The following TPH2 variants were observed in gnomAD, a reference collection of about 807,000 sequenced individuals.
TPH2 encodes the protein tryptophan hydroxylase 2.
TPH2 carries 27 observed loss-of-function variants against 59.1 expected under a neutral mutation model. The ratio of observed to expected loss-of-function variants is 0.46; its 90% CI spans 0.34 to 0.63. The LOEUF (loss-of-function observed/expected upper bound fraction) is 0.63. Among genes scored for constraint, TPH2 ranks in the 30% least tolerant of loss-of-function variants. The pLI is 0.01. For synonymous variants in TPH2, 220 were observed against 210.5 expected (o/e 1.05, Z -0.39); for missense variants, 523 against 588.3 (o/e 0.89, Z 1.15).
chr12:72,015,419 ACG>A (rs1873217022), intron 8 of TPH2, among the ~76,000 whole-genome samples: 1 of 143,978 alleles, frequency 6.9e-6, no homozygotes, highest in Non-Finnish European at 1.5e-5. Context: ...TTCCGGGTTC[ACG>A]CCATTCTCCT....
Position 71,948,879 on chromosome 12 carries a change from AGTC to A in TPH2, c.541-708_541-706del, listed in dbSNP as rs1429690056. Among the ~76,000 whole-genome samples the A allele has an allele frequency of 8.8e-4, 134 of 152,366 alleles. 1 individual carries two copies. Among genetic ancestry groups the A allele is most frequent in the Non-Finnish European group, 1.5e-3 (101 of 68,028 alleles). On this transcript the variant is annotated intron_variant, in intron 4 of 10. Coordinates refer to ENST00000333850, the MANE Select transcript of TPH2 (RefSeq NM_173353.4). ...GGAGAGATTTTTGGGTAAACCAAGA[AGTC>A]CTCTCTGAAGGATTTCACTTGACTG...
chr12:72,007,494 C>A (rs1331228770), intron 8 of TPH2, among the ~76,000 whole-genome samples: 1 of 152,112 alleles, frequency 6.6e-6, no homozygotes, highest in Admixed American at 6.6e-5. Context: ...AGAACTCCAG[C>A]CAGGTGTTCG....
intron 8 of TPH2, among the ~76,000 whole-genome samples, chr12:72,012,147 C>G (rs1873114359): frequency 6.6e-6 from 1 of 151,956 alleles, no homozygotes; most frequent in Non-Finnish European, 1.5e-5. Context: ...TTCCGCATGT[C>G]AGGCAGGATG....
At chr12:71,967,740 C>T (rs1871857955) in intron 5 of TPH2, among the ~76,000 whole-genome samples, 2 of 152,146 alleles carry the variant, frequency 1.3e-5, no homozygotes, top group Admixed American at 1.3e-4. Context: ...ATTTTTCCCA[C>T]TCTTTACTTT....
intron 1 of TPH2, among the ~76,000 whole-genome samples, chr12:71,941,089 T>C (rs746369930): frequency 1.1e-4 from 17 of 152,210 alleles, no homozygotes; most frequent in Non-Finnish European, 2.4e-4. Context: ...TTTCTGGGCA[T>C]GTGCTGACAT....
At chr12:71,973,971 G>T (rs190967339) in intron 6 of TPH2, among the ~76,000 whole-genome samples, 39 of 152,076 alleles carry the variant, frequency 2.6e-4, no homozygotes, top group African/African-American at 9.2e-4. Flanking sequence ...CTTGTGAGGG[G>T]TTGGGGGAAG....
At chr12:71,983,626 A>G (rs1872349189) in intron 7 of TPH2, among the ~76,000 whole-genome samples, 1 of 152,144 alleles carries the variant, frequency 6.6e-6, no homozygotes, top group African/African-American at 2.4e-5. Context: ...CTCATCTTTT[A>G]GAACAGGGTT....
At chr12:71,946,779 G>A (rs1157400614) in intron 4 of TPH2, among the ~76,000 whole-genome samples, 2 of 152,122 alleles carry the variant, frequency 1.3e-5, no homozygotes, top group Admixed American at 6.5e-5. Flanking sequence ...ATAAGAGTAA[G>A]GTTGCCGAGG....
Position 71,946,785 on chromosome 12 carries a change from C to T in TPH2, c.540+2099C>T, listed in dbSNP as rs374660064. Among the ~76,000 whole-genome samples, 26 of 152,148 alleles carry T rather than the reference C, an allele frequency of 1.7e-4. No individual in the cohort carries two copies. In the South Asian group the frequency reaches 3.9e-3, roughly 23 times the overall value. On this transcript the variant is annotated intron_variant, in intron 4 of 10. Transcript: ENST00000333850. ...GCTTGGAATATAAGAGTAAGGTTGC[C>T]GAGGCTCCCTAGAAAGGGTTAAATA...
At chr12:72,019,697 T>C (rs1873356211) in intron 8 of TPH2, among the ~76,000 whole-genome samples, 1 of 152,242 alleles carries the variant, frequency 6.6e-6, no homozygotes, top group Non-Finnish European at 1.5e-5. Context: ...CCCAGTAGCA[T>C]ATATGCTTCA....
chr12:71,970,691 T>C (rs1871948516), intron 5 of TPH2, among the ~76,000 whole-genome samples: 1 of 152,258 alleles, frequency 6.6e-6, no homozygotes, highest in African/African-American at 2.4e-5. Context: ...TCTATTTTTG[T>C]CTTTTCATTT....
At chr12:71,953,890 G>C (rs529387603) in intron 5 of TPH2, among the ~76,000 whole-genome samples, 1 of 152,222 alleles carries the variant, frequency 6.6e-6, no homozygotes, top group South Asian at 2.1e-4. Flanking sequence ...GATGGAGTAT[G>C]GATATTTTGG....
chr12:72,005,055 G>A (rs1326294171), intron 8 of TPH2, among the ~76,000 whole-genome samples: 3 of 152,142 alleles, frequency 2.0e-5, no homozygotes, highest in Admixed American at 1.3e-4. Context: ...GCTTGCCACT[G>A]TAAGGATGGG....
At chr12:71,959,796 AT>A (rs1448096953) in intron 5 of TPH2, among the ~76,000 whole-genome samples, 3 of 151,708 alleles carry the variant, frequency 2.0e-5, no homozygotes, top group African/African-American at 4.9e-5. Context: ...AAAAAACTTA[AT>A]TGGGGGGGGC....
intron 7 of TPH2, among the ~76,000 whole-genome samples, chr12:71,987,992 A>G (rs1414762044): frequency 6.6e-6 from 1 of 152,224 alleles, no homozygotes; most frequent in Non-Finnish European, 1.5e-5. Context: ...AAAAGTACAC[A>G]TTTGGTTCTT....
chr12:71,947,778 C>T (rs763664775), intron 4 of TPH2, among the ~76,000 whole-genome samples: 7 of 151,964 alleles, frequency 4.6e-5, no homozygotes, highest in African/African-American at 9.7e-5. Context: ...GCGTAATCAC[C>T]GCCACACTAA....
intron 8 of TPH2, among the ~76,000 whole-genome samples, chr12:72,004,569 C>T (rs1353192440): frequency 1.6e-4 from 24 of 152,154 alleles, no homozygotes; most frequent in African/African-American, 5.3e-4. Flanking sequence ...AGAATACATT[C>T]ATTAAGCACA....
At chr12:71,943,539 C>A (rs1171079340) in intron 2 of TPH2, among the ~76,000 whole-genome samples, 1 of 152,144 alleles carries the variant, frequency 6.6e-6, no homozygotes, top group Non-Finnish European at 1.5e-5. Context: ...GCAACACATC[C>A]TTGGCTGAAG....
rs1872648564 is a variant in TPH2, at chr12:71,994,533, G to A, written c.1036G>A (p.Ala346Thr). 1 of 1,613,958 alleles carries A rather than the reference G, an allele frequency of 6.2e-7. No individual in the cohort carries two copies. Among genetic ancestry groups the A allele is most frequent in the East Asian group, 2.2e-5 (1 of 44,868 alleles). The change falls in exon 8 of 11, where the codon GCA (alanine) becomes ACA (threonine). Residue 346 changes from alanine (A) to threonine (T), a missense_variant. Coordinates refer to ENST00000333850, the MANE Select transcript of TPH2 (RefSeq NM_173353.4). ...SQEIGLASLG[A>T]SDEDVQKLAT... ...AGAAATAGGTCTGGCGTCTCTGGGA[G>A]CATCAGATGAAGATGTTCAGAAACT...
Sources: gnomAD v4.1 joint callset for allele counts (sites outside exome capture counted in the v4.1 genomes callset) on GRCh38, gnomAD v4.1.1 for gene constraint, MANE v1.5 for transcripts, NCBI Gene and HGNC (gene_info 2026-07-23, HGNC 2026-07-21) for gene names.